Variants in MRAP2 observed in about 807,000 individuals in gnomAD.
MRAP2 encodes melanocortin-2 receptor accessory protein 2.
A neutral mutation model predicts 17.4 loss-of-function variants in MRAP2; 20 were observed. That is an observed-to-expected ratio of 1.15 (90% CI 0.81 to 1.67). The LOEUF (loss-of-function observed/expected upper bound fraction) is 1.67. MRAP2 is among the 40% of genes most tolerant of loss of function. The pLI, the probability that MRAP2 is intolerant of heterozygous loss-of-function variation, is 0.00. For synonymous variants in MRAP2, 96 were observed against 88.4 expected (o/e 1.09, Z -0.48); for missense variants, 238 against 240.0 (o/e 0.99, Z 0.05).
the MRAP2 span, among the ~76,000 whole-genome samples, chr6:84,132,051 T>G: frequency 6.6e-6 from 1 of 152,126 alleles, no homozygotes; most frequent in Non-Finnish European, 1.5e-5. Context: ...TGACAAAATC[T>G]CTCAGCACTT....
the MRAP2 span, among the ~76,000 whole-genome samples, chr6:84,142,530 TC>T: frequency 1.8e-3 from 267 of 152,236 alleles, 1 homozygote; most frequent in African/African-American, 5.6e-3. Flanking sequence ...AATTAAGAAT[TC>T]CAAAAACTCT....
At chr6:84,044,893 A>G (rs111936737) in intron 1 of MRAP2, among the ~76,000 whole-genome samples, 1 of 152,226 alleles carries the variant, frequency 6.6e-6, no homozygotes, top group Admixed American at 6.5e-5. Context: ...CCAATTGTGG[A>G]TGGAAAATAT....
chr6:84,087,373 C>A (rs1652499582), intron 3 of MRAP2, among the ~76,000 whole-genome samples: 1 of 152,196 alleles, frequency 6.6e-6, no homozygotes, highest in Admixed American at 6.5e-5. Flanking sequence ...TCTCAGTGAG[C>A]AGAGGGGTGA....
Position 84,033,912 on chromosome 6 carries a change from G to A in MRAP2, c.-8+29G>A, listed in dbSNP as rs1466230861. On this transcript the variant is annotated intron_variant, in intron 1 of 3. Transcript: ENST00000257776. ...ACCACGGGCGGGACAGGGCGCCCAGGGCGGAGCAAAGCCCGGGCGCTGGGT... is the reference window on the plus strand; with the variant it reads ...ACCACGGGCGGGACAGGGCGCCCAGAGCGGAGCAAAGCCCGGGCGCTGGGT... The A allele has an allele frequency of 6.1e-6, 6 of 986,076 alleles. No individual in the cohort carries two copies. The East Asian group carries it at 4.5e-4, about 75-fold the overall frequency. The allele number at this position is 986,076 out of a possible 1,614,324, so 61.1% of individuals were successfully genotyped here.
At chr6:84,064,736 C>A (rs1336717918) in intron 3 of MRAP2, among the ~76,000 whole-genome samples, 1 of 152,156 alleles carries the variant, frequency 6.6e-6, no homozygotes, top group African/African-American at 2.4e-5. Context: ...ATCCGCCCGC[C>A]TTGGCCTCCC....
At chr6:84,125,189 C>T in the MRAP2 span, 5 of 1,613,670 alleles carry the variant, frequency 3.1e-6, no homozygotes, top group Admixed American at 8.3e-5. Flanking sequence ...TTCTCCAGCT[C>T]ACGATTCTTT....
chr6:84,076,071 T>TC (rs1159495649), intron 3 of MRAP2, among the ~76,000 whole-genome samples: 1 of 152,074 alleles, frequency 6.6e-6, no homozygotes, highest in African/African-American at 2.4e-5. Flanking sequence ...TTATTTTTTT[T>TC]TTTCTTTTGA....
intron 1 of MRAP2, among the ~76,000 whole-genome samples, chr6:84,048,593 C>A (rs531504378): frequency 3.3e-5 from 5 of 152,128 alleles, no homozygotes; most frequent in Admixed American, 6.5e-5. Context: ...ATGGGGAACC[C>A]AACTCAACCA....
chr6:84,108,772 C>T, the MRAP2 span, among the ~76,000 whole-genome samples: 38,235 of 152,094 alleles, frequency 0.25, 10,766 homozygotes, highest in African/African-American at 0.7. Context: ...TAAATGGTAT[C>T]GCCTAGGTTT....
chr6:84,113,216 G>A, the MRAP2 span, among the ~76,000 whole-genome samples: 2 of 152,012 alleles, frequency 1.3e-5, no homozygotes, highest in Admixed American at 1.3e-4. Context: ...ATTATTGTGT[G>A]GGAGTCTAAG....
At chr6:84,035,698 T>A (rs190115549) in intron 1 of MRAP2, among the ~76,000 whole-genome samples, 1 of 150,554 alleles carries the variant, frequency 6.6e-6, no homozygotes, top group Non-Finnish European at 1.5e-5. Context: ...CCTTTCAGCC[T>A]TCTGAGCTAG....
chr6:84,107,538 C>T, the MRAP2 span, among the ~76,000 whole-genome samples: 1 of 152,144 alleles, frequency 6.6e-6, no homozygotes, highest in African/African-American at 2.4e-5. Flanking sequence ...AATGTGATAC[C>T]TTGTGAAAGG....
chr6:84,034,332 G>T (rs1057475188), intron 1 of MRAP2, among the ~76,000 whole-genome samples: 1 of 152,172 alleles, frequency 6.6e-6, no homozygotes, highest in African/African-American at 2.4e-5. Context: ...CCTGGCCCCG[G>T]GCGCGCCTCC....
At chr6:84,119,282 T>G in the MRAP2 span, among the ~76,000 whole-genome samples, 1 of 152,232 alleles carries the variant, frequency 6.6e-6, no homozygotes, top group South Asian at 2.1e-4. Context: ...GTCTGGATAC[T>G]TCAATATTTT....
chr6:84,038,642 A>C (rs115062846), intron 1 of MRAP2, among the ~76,000 whole-genome samples: 1,892 of 152,186 alleles, frequency 0.012, 46 homozygotes, highest in African/African-American at 0.043. Flanking sequence ...CAGGCACAGA[A>C]CACCATGCCC....
At chr6:84,069,679 T>C (rs2099495708) in intron 3 of MRAP2, among the ~76,000 whole-genome samples, 1 of 152,196 alleles carries the variant, frequency 6.6e-6, no homozygotes, top group African/African-American at 2.4e-5. Context: ...TACCAATTCT[T>C]CTTTGAATGT....
downstream of MRAP2, among the ~76,000 whole-genome samples, chr6:84,093,268 T>TAGAGAG (rs35368724): frequency 6.7e-6 from 1 of 150,288 alleles, no homozygotes; most frequent in African/African-American, 2.4e-5. Flanking sequence ...GCAAGAAAAA[T>TAGAGAG]AGAGAGAGAG....
chr6:84,052,735 G>A, intron 1 of MRAP2: 2 of 922,054 alleles, frequency 2.2e-6, no homozygotes, highest in Non-Finnish European at 2.6e-6. Context: ...GCTGCCTGGG[G>A]AGAGCTGGTG....
chr6:84,126,301 G>A, the MRAP2 span: 1 of 1,063,128 alleles, frequency 9.4e-7, no homozygotes, highest in Non-Finnish European at 1.3e-6. Context: ...TTTTTGCTAG[G>A]GATGACAAAA....
Sources: allele counts gnomAD v4.1 joint callset (sites outside exome capture counted in the v4.1 genomes callset), GRCh38; gene constraint gnomAD v4.1.1; transcripts MANE v1.5; gene names NCBI Gene and HGNC (gene_info 2026-07-23, HGNC 2026-07-21).